The following PAG1 variants were observed in gnomAD, a reference collection of about 807,000 sequenced individuals.
PAG1 encodes the protein phosphoprotein membrane anchor with glycosphingolipid microdomains 1.
In PAG1, 23 loss-of-function variants were observed where a neutral mutation model predicts 31.7. That is an observed-to-expected ratio of 0.73 (90% CI 0.52 to 1.03). The LOEUF (loss-of-function observed/expected upper bound fraction) is 1.03. PAG1 is among the 50% of genes least tolerant of loss of function. The probability of loss-of-function intolerance (pLI) is 0.00; values close to 1 mark genes in which losing one functional copy is unlikely to be tolerated. For missense variants in PAG1, 473 were observed against 540.7 expected, an observed-to-expected ratio of 0.87 and a Z score of 1.24; for synonymous variants, 214 against 210.3, an observed-to-expected ratio of 1.02 and a Z score of -0.15.
At chr8:81,096,123 CTACT>C (rs1294536342) in intron 1 of PAG1, among the ~76,000 whole-genome samples, 2 of 152,128 alleles carry the variant, frequency 1.3e-5, no homozygotes, top group African/African-American at 4.8e-5. Context: ...TTAAATTTTC[CTACT>C]TACTAATAAA....
rs73695054 is a variant in PAG1, at chr8:80,977,645, G to C, written c.937-739C>G. ...GACAGTCCAGGTCTAGTTTTCTTCA[G>C]TGGGAAAACTCATTCTCGCTTGCAA... On this transcript the variant is annotated intron_variant, in intron 8 of 8. Transcript: ENST00000220597. 8.9e-3 allele frequency among the ~76,000 whole-genome samples: 1,349 copies of C among 152,292 alleles called. 20 individuals carry two copies. The highest frequency in any genetic ancestry group is 0.031 in the African/African-American group (1,269 of 41,546).
chr8:81,081,064 C>T (rs1242609804), intron 1 of PAG1, among the ~76,000 whole-genome samples: 1 of 152,154 alleles, frequency 6.6e-6, no homozygotes, highest in African/African-American at 2.4e-5. Context: ...CAGGGCAAAT[C>T]ATTCCACCTC....
intron 3 of PAG1, among the ~76,000 whole-genome samples, chr8:80,995,677 G>A (rs1586152893): frequency 1.3e-5 from 2 of 152,292 alleles, no homozygotes; most frequent in Admixed American, 1.3e-4. Context: ...ATTAATTGAT[G>A]CCCATTTATA....
At chr8:81,033,971 A>G (rs933371709) in intron 2 of PAG1, among the ~76,000 whole-genome samples, 11 of 152,366 alleles carry the variant, frequency 7.2e-5, no homozygotes, top group Admixed American at 4.6e-4. Flanking sequence ...CTATCTGGGT[A>G]GACAAATACA....
intron 2 of PAG1, among the ~76,000 whole-genome samples, chr8:81,035,246 A>C (rs774260666): frequency 5.3e-5 from 8 of 152,208 alleles, no homozygotes; most frequent in Non-Finnish European, 1.0e-4. Context: ...AGACCAACAC[A>C]GACTATGAGA....
chr8:81,055,706 T>A (rs200827448), intron 2 of PAG1, among the ~76,000 whole-genome samples: 16,533 of 151,782 alleles, frequency 0.11, 640 homozygotes, highest in East Asian at 0.21. Context: ...GGTATTTTAT[T>A]CTCTTTGAAG....
At chr8:81,086,832 T>C (rs1809366569) in intron 1 of PAG1, among the ~76,000 whole-genome samples, 1 of 152,150 alleles carries the variant, frequency 6.6e-6, no homozygotes, top group Non-Finnish European at 1.5e-5. Flanking sequence ...CAGGTTATGG[T>C]GTGGAGGAGG....
At chr8:80,983,268 C>T (rs370532144) in intron 7 of PAG1, among the ~76,000 whole-genome samples, 14 of 152,306 alleles carry the variant, frequency 9.2e-5, no homozygotes, top group East Asian at 5.8e-4. Flanking sequence ...TTAACTCAAA[C>T]GTCACCTTCA....
At chr8:81,075,545 G>C (rs573407531) in intron 1 of PAG1, among the ~76,000 whole-genome samples, 1 of 152,194 alleles carries the variant, frequency 6.6e-6, no homozygotes, top group Non-Finnish European at 1.5e-5. Flanking sequence ...TAATAATCAA[G>C]TACTATTTGC....
At chr8:81,100,229 C>T (rs374166432) in intron 1 of PAG1, among the ~76,000 whole-genome samples, 3 of 152,148 alleles carry the variant, frequency 2.0e-5, no homozygotes, top group Non-Finnish European at 4.4e-5. Context: ...CAGGGTATAC[C>T]CCTGAGGCAA....
intron 3 of PAG1, among the ~76,000 whole-genome samples, chr8:81,007,535 G>A (rs1417959388): frequency 1.3e-5 from 2 of 150,652 alleles, no homozygotes; most frequent in Non-Finnish European, 3.0e-5. Context: ...TATTCAGGAG[G>A]CTGGGGCAGG....
intron 3 of PAG1, among the ~76,000 whole-genome samples, chr8:81,000,940 A>C (rs1307052995): frequency 6.6e-6 from 1 of 152,060 alleles, no homozygotes; most frequent in African/African-American, 2.4e-5. Context: ...CTGCAATGAC[A>C]ATTTCACACC....
intron 3 of PAG1, among the ~76,000 whole-genome samples, chr8:81,007,366 C>A (rs1488661979): frequency 6.6e-6 from 1 of 151,490 alleles, no homozygotes; most frequent in Non-Finnish European, 1.5e-5. Context: ...ATAATCCCAG[C>A]ACTTTGGGAG....
intron 3 of PAG1, among the ~76,000 whole-genome samples, chr8:81,001,885 C>T (rs1246004302): frequency 6.6e-6 from 1 of 152,206 alleles, no homozygotes; most frequent in African/African-American, 2.4e-5. Flanking sequence ...CTGTCTGGGA[C>T]AGCAGCAGAC....
In PAG1 at chr8:80,985,086, T is replaced by G; in HGVS notation, c.566A>C (p.Glu189Ala). 6.2e-7 allele frequency: 1 copy of G among 1,614,132 alleles called. No individual in the cohort carries two copies. Among genetic ancestry groups the G allele is most frequent in the South Asian group, 1.1e-5 (1 of 91,074 alleles). Residue 189 changes from glutamate to alanine, a missense_variant, in exon 7 of 9, where the codon GAG (glutamate) becomes GCG (alanine). Coordinates refer to ENST00000220597, the MANE Select transcript of PAG1 (RefSeq NM_018440.4). ...CLYETVKEIK[E>A]VAAAAHLEKG... The stretch of plus-strand genomic sequence containing the variant: ...CTCCAGGTGTGCAGCTGCAGCCACC[T>G]CCTTGATCTCTTTCACAGTTTCATA...
At chr8:81,007,971 A>T (rs1375147308) in intron 3 of PAG1, among the ~76,000 whole-genome samples, 3 of 152,220 alleles carry the variant, frequency 2.0e-5, no homozygotes, top group Non-Finnish European at 4.4e-5. Context: ...GGACAAGAAG[A>T]TGTGTTTTTA....
At chr8:81,042,322 G>A (rs1808567564) in intron 2 of PAG1, among the ~76,000 whole-genome samples, 1 of 152,116 alleles carries the variant, frequency 6.6e-6, no homozygotes, top group African/African-American at 2.4e-5. Context: ...AGGCTCAAAC[G>A]AGATAATGCT....
intron 2 of PAG1, among the ~76,000 whole-genome samples, chr8:81,055,423 C>T (rs940937987): frequency 1.3e-5 from 2 of 151,898 alleles, no homozygotes; most frequent in African/African-American, 4.8e-5. Flanking sequence ...AAATTAAGAA[C>T]TGACTTTAAT....
intron 2 of PAG1, among the ~76,000 whole-genome samples, chr8:81,058,839 C>T (rs1808870057): frequency 1.3e-5 from 2 of 152,040 alleles, no homozygotes. Context: ...GGAGGCTGCA[C>T]TGAGGTATGA....
Sources: allele counts gnomAD v4.1 joint callset (sites outside exome capture counted in the v4.1 genomes callset), GRCh38; gene constraint gnomAD v4.1.1; transcripts MANE v1.5; gene names NCBI Gene and HGNC (gene_info 2026-07-23, HGNC 2026-07-21).